Variants in KATNBL1 observed in about 807,000 individuals in gnomAD.
KATNBL1 encodes katanin regulatory subunit B1 like 1, also known as KATNB1-like protein 1.
KATNBL1 carries 28 observed loss-of-function variants against 44.7 expected under a neutral mutation model. That is an observed-to-expected ratio of 0.63 (90% CI 0.46 to 0.86). The LOEUF is 0.86. Among genes scored for constraint, KATNBL1 ranks in the 40% least tolerant of loss-of-function variants. The probability of loss-of-function intolerance (pLI) is 0.00; values close to 1 mark genes in which losing one functional copy is unlikely to be tolerated. For missense variants in KATNBL1, 272 were observed against 350.7 expected, an observed-to-expected ratio of 0.78 and a Z score of 1.79; for synonymous variants, 78 against 114.9, an observed-to-expected ratio of 0.68 and a Z score of 2.06.
At chr15:34,170,162 G>C (rs1014672968) in intron 1 of KATNBL1, among the ~76,000 whole-genome samples, 1 of 152,192 alleles carries the variant, frequency 6.6e-6, no homozygotes, top group African/African-American at 2.4e-5. Context: ...CCTGTTTGCA[G>C]ATGACATGAT....
At chr15:34,150,148 T>G (rs1369225652) in intron 4 of KATNBL1, among the ~76,000 whole-genome samples, 1 of 152,200 alleles carries the variant, frequency 6.6e-6, no homozygotes, top group African/African-American at 2.4e-5. Flanking sequence ...AAAACAGGTA[T>G]GAAACAAGAA....
chr15:34,153,106 C>G, intron 3 of KATNBL1, 37 bp from the exon 4 acceptor site: 1 of 1,489,070 alleles, frequency 6.7e-7, no homozygotes, highest in Non-Finnish European at 9.1e-7. Context: ...TGAAAAAGAA[C>G]CATATGAAAT....
chr15:34,161,089 C>T (rs1285812819), intron 2 of KATNBL1, among the ~76,000 whole-genome samples: 5 of 152,146 alleles, frequency 3.3e-5, no homozygotes, highest in East Asian at 3.8e-4. Context: ...GAGGTGACTA[C>T]GAAACCACAA....
intron 1 of KATNBL1, among the ~76,000 whole-genome samples, chr15:34,180,502 C>G (rs553360628): frequency 6.1e-5 from 6 of 97,616 alleles, no homozygotes; most frequent in Non-Finnish European, 1.2e-4. Flanking sequence ...AGCAGCTCCT[C>G]TCTCTACTGA....
intron 5 of KATNBL1, among the ~76,000 whole-genome samples, chr15:34,147,902 G>T (rs10851947): frequency 0.9 from 137,394 of 152,160 alleles, 62,112 homozygotes; most frequent in East Asian, 0.99. Flanking sequence ...GGTCTCATTC[G>T]GTTGCCCAGG....
intron 1 of KATNBL1, chr15:34,199,698 T>G (rs373069969): frequency 6.6e-6 from 1 of 152,404 alleles, no homozygotes; most frequent in Admixed American, 6.5e-5. Context: ...TGTCCGGAGT[T>G]TCTTCCTTCC....
intron 2 of KATNBL1, among the ~76,000 whole-genome samples, chr15:34,162,298 T>G (rs1888830521): frequency 6.6e-6 from 1 of 152,164 alleles, no homozygotes; most frequent in South Asian, 2.1e-4. Flanking sequence ...TGAATAAGTC[T>G]CACGAGATCT....
At chr15:34,145,094 C>T (rs769407199) in intron 9 of KATNBL1, 12 of 1,057,860 alleles carry the variant, frequency 1.1e-5, no homozygotes, top group Non-Finnish European at 1.4e-5. Flanking sequence ...TTTTCTGATG[C>T]TGTCCTTATT....
At chr15:34,170,425 A>G (rs1015031416) in intron 1 of KATNBL1, among the ~76,000 whole-genome samples, 2 of 152,230 alleles carry the variant, frequency 1.3e-5, no homozygotes, top group African/African-American at 2.4e-5. Context: ...CCACTGCTCA[A>G]TGAAATGAAA....
At chr15:34,187,602 G>A (rs1331670626) in intron 1 of KATNBL1, among the ~76,000 whole-genome samples, 1 of 152,086 alleles carries the variant, frequency 6.6e-6, no homozygotes, top group Non-Finnish European at 1.5e-5. Context: ...AATCACAGCA[G>A]GACCAAGCCA....
At chr15:34,183,812 G>A (rs1889633871) in intron 1 of KATNBL1, among the ~76,000 whole-genome samples, 1 of 152,162 alleles carries the variant, frequency 6.6e-6, no homozygotes, top group African/African-American at 2.4e-5. Flanking sequence ...TATGAGAAGA[G>A]GGCAAAAACT....
intron 1 of KATNBL1, among the ~76,000 whole-genome samples, chr15:34,172,253 A>ATTTTTTTTT (rs1260376752): frequency 2.1e-5 from 1 of 46,846 alleles, no homozygotes; most frequent in Admixed American, 3.1e-4. Flanking sequence ...GGAGGAACAT[A>ATTTTTTTTT]TTCTTTTTTT....
At chr15:34,150,229 A>G (rs1480888604) in intron 4 of KATNBL1, among the ~76,000 whole-genome samples, 1 of 152,258 alleles carries the variant, frequency 6.6e-6, no homozygotes, top group African/African-American at 2.4e-5. Flanking sequence ...TAAAGTAAAA[A>G]GAGGTTCTTG....
At chr15:34,185,315 A>C (rs766074161) in intron 1 of KATNBL1, among the ~76,000 whole-genome samples, 6 of 152,084 alleles carry the variant, frequency 3.9e-5, no homozygotes, top group Non-Finnish European at 8.8e-5. Flanking sequence ...TTCCTTCACT[A>C]TCTCTTTTTG....
At chr15:34,148,597 G>C (rs778562086) in intron 5 of KATNBL1, 35 bp downstream of exon 5, 88 of 1,219,220 alleles carry the variant, frequency 7.2e-5, no homozygotes, top group Non-Finnish European at 1.0e-4. Context: ...CAGAAAAAAA[G>C]TGATTGAACA....
At chr15:34,178,755 C>CCAAA (rs766408641) in intron 1 of KATNBL1, among the ~76,000 whole-genome samples, 1 of 122,680 alleles carries the variant, frequency 8.2e-6, no homozygotes, top group African/African-American at 3.4e-5. Context: ...GACTCTGTCT[C>CCAAA]AAAAAAAAAA....
intron 1 of KATNBL1, among the ~76,000 whole-genome samples, chr15:34,173,472 G>A (rs1328978285): frequency 6.6e-6 from 1 of 152,120 alleles, no homozygotes. Flanking sequence ...ATTATCAAGT[G>A]TGAGGGTAAG....
At chr15:34,209,249 G>T (rs1322314041) in intron 1 of KATNBL1, 4 of 152,138 alleles carry the variant, frequency 2.6e-5, no homozygotes, top group African/African-American at 9.7e-5. Context: ...CTGAACTGAT[G>T]ATTATTACAC....
At chr15:34,181,864 TATATCC>T (rs1325137771) in intron 1 of KATNBL1, among the ~76,000 whole-genome samples, 2 of 119,302 alleles carry the variant, frequency 1.7e-5, no homozygotes, top group Non-Finnish European at 3.4e-5. Context: ...TCCATATATA[TATATCC>T]ATATATATAT....
Sources: allele counts gnomAD v4.1 joint callset (sites outside exome capture counted in the v4.1 genomes callset), GRCh38; gene constraint gnomAD v4.1.1; transcripts MANE v1.5; gene names NCBI Gene and HGNC (gene_info 2026-07-23, HGNC 2026-07-21).